Variants in PDGFC observed in about 807,000 individuals in gnomAD.
PDGFC encodes the protein platelet-derived growth factor C.
A neutral mutation model predicts 35.5 loss-of-function variants in PDGFC; 12 were observed. The ratio of observed to expected loss-of-function variants is 0.34; its 90% CI spans 0.22 to 0.55. The LOEUF is 0.55. PDGFC is among the 20% of genes least tolerant of loss of function. The probability of loss-of-function intolerance (pLI) is 0.91; values close to 1 mark genes in which losing one functional copy is unlikely to be tolerated. For synonymous variants in PDGFC, 159 were observed against 148.8 expected, an observed-to-expected ratio of 1.07 and a Z score of -0.50; for missense variants, 322 against 412.4, an observed-to-expected ratio of 0.78 and a Z score of 1.90.
rs114001180 is a variant in PDGFC, at chr4:156,862,851, C to T, written c.119-12435G>A. Among the ~76,000 whole-genome samples the T allele has an allele frequency of 6.7e-3, 1,020 of 151,940 alleles. 14 individuals carry two copies. Among genetic ancestry groups the T allele is most frequent in the African/African-American group, 0.023 (961 of 41,456 alleles). ...CTGGGATTACAGGCACCTGCCACCGCGCCTGGCCAATTTTTGTAGTTTTAG... is the reference window on the plus strand; with the variant it reads ...CTGGGATTACAGGCACCTGCCACCGTGCCTGGCCAATTTTTGTAGTTTTAG... On this transcript the variant is annotated intron_variant, in intron 1 of 5. Transcript: ENST00000502773.
intron 1 of PDGFC, among the ~76,000 whole-genome samples, chr4:156,968,664 T>C (rs1579133181): frequency 6.6e-6 from 1 of 151,994 alleles, no homozygotes; most frequent in African/African-American, 2.4e-5. Context: ...TGCAAGAAAA[T>C]AGCTCTATAT....
At chr4:156,805,267 A>T (rs1731727666) in intron 3 of PDGFC, among the ~76,000 whole-genome samples, 2 of 152,192 alleles carry the variant, frequency 1.3e-5, no homozygotes, top group East Asian at 3.9e-4. Context: ...GTATATTTTA[A>T]TAAAAATCTA....
chr4:156,871,926 G>A (rs545053421), intron 1 of PDGFC, among the ~76,000 whole-genome samples: 1 of 151,586 alleles, frequency 6.6e-6, no homozygotes, highest in Admixed American at 6.6e-5. Context: ...ACTAGATAAC[G>A]CTAAAGGCTA....
chr4:156,943,313 C>G (rs141569079), intron 1 of PDGFC, among the ~76,000 whole-genome samples: 392 of 152,184 alleles, frequency 2.6e-3, no homozygotes, highest in African/African-American at 9.1e-3. Flanking sequence ...TGATATTATT[C>G]GCTCTAAATT....
chr4:156,889,753 T>C lies in PDGFC; in HGVS notation c.119-39337A>G, dbSNP rs13140425. 9.8e-3 allele frequency among the ~76,000 whole-genome samples: 1,491 copies of C among 152,326 alleles called. 17 individuals carry two copies. The highest frequency in any genetic ancestry group is 0.02 in the Middle Eastern group (6 of 294). On this transcript the variant is annotated intron_variant, in intron 1 of 5. Coordinates refer to ENST00000502773, the MANE Select transcript of PDGFC (RefSeq NM_016205.3). Reference sequence around the variant, plus strand: ...GCATTGTTTTGGTTTTGGTTTTTTTTCTAATCTTGTCGGTTGCCCAATCTC... The same window carrying C: ...GCATTGTTTTGGTTTTGGTTTTTTTCCTAATCTTGTCGGTTGCCCAATCTC...
intron 1 of PDGFC, among the ~76,000 whole-genome samples, chr4:156,940,686 G>A (rs984808150): frequency 6.6e-6 from 1 of 152,044 alleles, no homozygotes; most frequent in Non-Finnish European, 1.5e-5. Context: ...AACATCTAAA[G>A]TATTTTCAGA....
intron 1 of PDGFC, among the ~76,000 whole-genome samples, chr4:156,852,479 C>T (rs1001665313): frequency 1.3e-5 from 2 of 152,174 alleles, no homozygotes; most frequent in African/African-American, 2.4e-5. Context: ...TTTCCACCAA[C>T]CTATTCTCTG....
chr4:156,932,543 A>G (rs1215246816), intron 1 of PDGFC, among the ~76,000 whole-genome samples: 2 of 152,122 alleles, frequency 1.3e-5, no homozygotes, highest in Non-Finnish European at 1.5e-5. Flanking sequence ...TGGCACATAT[A>G]TACCATGGAA....
rs117436717 is a variant in PDGFC, at chr4:156,955,022, C to T, written c.118+15764G>A. On this transcript the variant is annotated intron_variant, in intron 1 of 5. Coordinates refer to ENST00000502773, the MANE Select transcript of PDGFC (RefSeq NM_016205.3). ...TTAAAACACATATATAATTAGAATC[C>T]AAGGTAGAAAGTGGTCAATTCTGCA... Among the ~76,000 whole-genome samples, 20 of 152,036 alleles carry T rather than the reference C, an allele frequency of 1.3e-4. No individual in the cohort carries two copies. In the East Asian group the frequency reaches 3.5e-3, roughly 27 times the overall value.
At chr4:156,889,782 C>T (rs57584480) in intron 1 of PDGFC, among the ~76,000 whole-genome samples, 107 of 152,284 alleles carry the variant, frequency 7.0e-4, no homozygotes, top group African/African-American at 2.4e-3. Flanking sequence ...CAATCTCCAA[C>T]AGCAGCCAAC....
intron 2 of PDGFC, among the ~76,000 whole-genome samples, chr4:156,833,452 A>T (rs980685935): frequency 1.3e-5 from 2 of 152,210 alleles, no homozygotes; most frequent in African/African-American, 4.8e-5. Context: ...GAGGAACATA[A>T]ATGCCTGTTT....
intron 1 of PDGFC, among the ~76,000 whole-genome samples, chr4:156,890,110 T>C (rs772067701): frequency 9.9e-5 from 15 of 152,118 alleles, no homozygotes; most frequent in Non-Finnish European, 1.8e-4. Flanking sequence ...GGGAGGGCAC[T>C]GGTCTGGAAC....
intron 1 of PDGFC, among the ~76,000 whole-genome samples, chr4:156,932,932 A>AC (rs1560879519): frequency 1.2e-4 from 18 of 151,648 alleles, no homozygotes; most frequent in African/African-American, 4.4e-4. Flanking sequence ...CACACACACA[A>AC]ACACACACAC....
chr4:156,923,678 A>G (rs1731340553), intron 1 of PDGFC, among the ~76,000 whole-genome samples: 1 of 152,170 alleles, frequency 6.6e-6, no homozygotes, highest in Non-Finnish European at 1.5e-5. Context: ...TGCTCATAAA[A>G]ATAACCTATA....
At chr4:156,943,894 T>C (rs1731874178) in intron 1 of PDGFC, among the ~76,000 whole-genome samples, 1 of 152,178 alleles carries the variant, frequency 6.6e-6, no homozygotes, top group Admixed American at 6.5e-5. Flanking sequence ...TTTCTTCCAC[T>C]GTGGATTTTC....
chr4:156,925,742 T>TAAA (rs200475937), intron 1 of PDGFC, among the ~76,000 whole-genome samples: 1 of 138,516 alleles, frequency 7.2e-6, no homozygotes. Flanking sequence ...AGTATTATTC[T>TAAA]AAAAAAAAAA....
At chr4:156,863,812 T>G (rs1259481910) in intron 1 of PDGFC, among the ~76,000 whole-genome samples, 1 of 152,170 alleles carries the variant, frequency 6.6e-6, no homozygotes, top group Admixed American at 6.6e-5. Flanking sequence ...ATGTGTTCAC[T>G]GATGAGGGTT....
At chr4:156,934,599 C>A (rs374886290) in intron 1 of PDGFC, among the ~76,000 whole-genome samples, 19 of 152,272 alleles carry the variant, frequency 1.2e-4, no homozygotes, top group Middle Eastern at 3.4e-3. Flanking sequence ...CTTACTGTAA[C>A]TTTTTACTTT....
chr4:156,829,873 C>T (rs867154835), intron 2 of PDGFC, among the ~76,000 whole-genome samples: 1 of 152,202 alleles, frequency 6.6e-6, no homozygotes. Flanking sequence ...AATCGTGCAT[C>T]ACTTCTCAAT....
Sources: allele counts gnomAD v4.1 joint callset (sites outside exome capture counted in the v4.1 genomes callset), GRCh38; gene constraint gnomAD v4.1.1; transcripts MANE v1.5; gene names NCBI Gene and HGNC (gene_info 2026-07-23, HGNC 2026-07-21).